GEMIN2: variants seen among roughly 807,000 people sequenced by gnomAD.
The protein encoded by GEMIN2 is gem-associated protein 2.
In GEMIN2, 37 loss-of-function variants were observed where a neutral mutation model predicts 45.8. That is an observed-to-expected ratio of 0.81 (90% CI 0.62 to 1.06). GEMIN2 has a LOEUF of 1.06. GEMIN2 is among the 50% of genes least tolerant of loss of function. GEMIN2 has a pLI of 0.00. For missense variants in GEMIN2, 335 were observed against 321.8 expected (o/e 1.04, Z -0.31); for synonymous variants, 101 against 111.5 (o/e 0.91, Z 0.60).
chr14:39,115,787 C>A (rs2052497336), intron 2 of GEMIN2, among the ~76,000 whole-genome samples: 1 of 152,040 alleles, frequency 6.6e-6, no homozygotes, highest in South Asian at 2.1e-4. Flanking sequence ...ACACTCTGGA[C>A]ATTTTCATTT....
chr14:39,126,168 G>A (rs1302721091), intron 6 of GEMIN2, among the ~76,000 whole-genome samples: 1 of 151,494 alleles, frequency 6.6e-6, no homozygotes, highest in Non-Finnish European at 1.5e-5. Flanking sequence ...ACATAGCATT[G>A]GGTACCTTTG....
intron 6 of GEMIN2, among the ~76,000 whole-genome samples, chr14:39,126,650 G>A (rs2052644295): frequency 6.6e-6 from 1 of 152,186 alleles, no homozygotes; most frequent in Admixed American, 6.5e-5. Flanking sequence ...TCAAGAGTTT[G>A]ATAAATCCAT....
In GEMIN2 at chr14:39,136,793, G is replaced by A. The variant is rs1487431463; in HGVS notation, c.*314G>A. 3 of 239,488 alleles carry A rather than the reference G, an allele frequency of 1.3e-5. No homozygotes were observed. The highest frequency in any genetic ancestry group is 6.8e-5 in the African/African-American group (3 of 43,908). The allele number at this position is 239,488 out of a possible 1,614,324, so 14.8% of individuals were successfully genotyped here. ...CTGTTTTGTTCTTTTTTTGTTTTTT[G>A]TTGTTTTGTTATTTACTTATATACA... is the stretch of plus-strand genomic sequence containing the variant. On this transcript the variant is annotated 3_prime_UTR_variant, in exon 10 of 10. Transcript: ENST00000308317.
chr14:39,117,537 TCTAG>T (rs2052524294), intron 2 of GEMIN2, among the ~76,000 whole-genome samples: 1 of 152,228 alleles, frequency 6.6e-6, no homozygotes, highest in Non-Finnish European at 1.5e-5. Flanking sequence ...ATTCAAATCT[TCTAG>T]CTGTTTTGAA....
chr14:39,136,234 A>C (rs1217825067), intron 9 of GEMIN2, among the ~76,000 whole-genome samples: 1 of 152,162 alleles, frequency 6.6e-6, no homozygotes, highest in Non-Finnish European at 1.5e-5. Flanking sequence ...TAGCAGTATA[A>C]ATACGTTCCT....
At chr14:39,123,704 ATATATTTTTTTTTTTT>A (rs2052605201) in intron 5 of GEMIN2, among the ~76,000 whole-genome samples, 1 of 52,668 alleles carries the variant, frequency 1.9e-5, no homozygotes, top group South Asian at 7.5e-4. Flanking sequence ...ATATATATAT[ATATATTTTTTTTTTTT>A]TTTTTTTTTT....
intron 7 of GEMIN2, among the ~76,000 whole-genome samples, chr14:39,128,770 G>C (rs1307169612): frequency 6.6e-6 from 1 of 151,800 alleles, no homozygotes; most frequent in Non-Finnish European, 1.5e-5. Context: ...CCAAAATGCT[G>C]GGAATTACAG....
intron 6 of GEMIN2, among the ~76,000 whole-genome samples, 177 bp from the exon 7 acceptor site, chr14:39,128,103 G>C (rs893495971): frequency 6.8e-6 from 1 of 147,778 alleles, no homozygotes; most frequent in African/African-American, 2.5e-5. Flanking sequence ...AGCCTCATTG[G>C]ATAAGCCGCC....
At chr14:39,118,196 GAATTA>G in intron 3 of GEMIN2, 108 bp downstream of exon 3, 1 of 512,330 alleles carries the variant, frequency 2.0e-6, no homozygotes, top group Non-Finnish European at 3.5e-6. Context: ...GAATATTCAT[GAATTA>G]ATTACCAAAT....
intron 2 of GEMIN2, among the ~76,000 whole-genome samples, chr14:39,116,387 G>A (rs1184889695): frequency 6.6e-6 from 1 of 150,800 alleles, no homozygotes; most frequent in Non-Finnish European, 1.5e-5. Context: ...AAAGGAGGGT[G>A]GCATTTTATT....
At chr14:39,127,009 C>T (rs886707977) in intron 6 of GEMIN2, among the ~76,000 whole-genome samples, 5 of 150,878 alleles carry the variant, frequency 3.3e-5, no homozygotes, top group African/African-American at 4.9e-5. Context: ...GTGATCCACC[C>T]GCCTCAGCCT....
intron 6 of GEMIN2, among the ~76,000 whole-genome samples, chr14:39,127,941 G>A (rs566626723): frequency 8.3e-4 from 126 of 151,960 alleles, no homozygotes; most frequent in Middle Eastern, 6.8e-3. Flanking sequence ...GGTGGTGCAC[G>A]CATGTAATCT....
At chr14:39,123,686 C>CTA (rs71130817) in intron 5 of GEMIN2, among the ~76,000 whole-genome samples, 771 of 44,962 alleles carry the variant, frequency 0.017, 21 homozygotes, top group Middle Eastern at 0.033. Context: ...TCAAAAATAG[C>CTA]TATATATATA....
At position 39,132,040 on chromosome 14, in the gene GEMIN2, G is replaced by A. The variant is rs1446778819; in HGVS notation, c.683G>A (p.Arg228Lys). 6.3e-7 allele frequency: 1 copy of A among 1,586,750 alleles called. No homozygotes were observed. The highest frequency in any genetic ancestry group is 8.7e-7 in the Non-Finnish European group (1 of 1,155,320). ...CATTCACTGATTCGGCAGCTTGCAAGAAGGTGCTCTGAAGTGAGGCTCTTA... is the reference window on the plus strand; with the variant it reads ...CATTCACTGATTCGGCAGCTTGCAAAAAGGTGCTCTGAAGTGAGGCTCTTA... ...EAHSLIRQLA[R>K]RCSEVRLLVD... The change falls in exon 8 of 10, where the codon AGA becomes AAA. Residue 228 changes from arginine to lysine, a missense_variant. Physicochemically the swap from Arg to Lys is conservative, Grantham distance 26. Transcript: ENST00000308317.
chr14:39,128,127 T>C (rs1262876587), intron 6 of GEMIN2, among the ~76,000 whole-genome samples, 153 bp from the exon 7 acceptor site: 6 of 149,204 alleles, frequency 4.0e-5, no homozygotes, highest in African/African-American at 1.5e-4. Context: ...TCAAACTAAT[T>C]AGAGTCAAAC....
At chr14:39,121,743 C>T (rs552600534) in intron 4 of GEMIN2, among the ~76,000 whole-genome samples, 2 of 152,106 alleles carry the variant, frequency 1.3e-5, no homozygotes, top group Non-Finnish European at 2.9e-5. Flanking sequence ...GGCAGAGTTT[C>T]GCTCTTGTTG....
chr14:39,122,340 G>C, intron 4 of GEMIN2, 90 bp from the exon 5 acceptor site: 3 of 665,726 alleles, frequency 4.5e-6, no homozygotes, highest in South Asian at 3.9e-5. Context: ...GCGGTAATGG[G>C]AATATGGAAG....
At chr14:39,133,908 C>T (rs1374078056) in intron 9 of GEMIN2, 189 bp downstream of exon 9, 7 of 381,564 alleles carry the variant, frequency 1.8e-5, no homozygotes, top group Non-Finnish European at 3.3e-5. Context: ...ATCCTCCCAC[C>T]TCAGCCTCCT....
intron 9 of GEMIN2, among the ~76,000 whole-genome samples, chr14:39,135,188 A>G (rs1159733661): frequency 6.6e-6 from 1 of 152,160 alleles, no homozygotes; most frequent in African/African-American, 2.4e-5. Context: ...ATTCAAGTGT[A>G]TTTTTTGCCC....
Sources: gnomAD v4.1 joint callset for allele counts (sites outside exome capture counted in the v4.1 genomes callset) on GRCh38, gnomAD v4.1.1 for gene constraint, MANE v1.5 for transcripts, NCBI Gene and HGNC (gene_info 2026-07-23, HGNC 2026-07-21) for gene names.